The following A2M variants were observed in gnomAD, a reference collection of about 807,000 sequenced individuals.
The protein encoded by A2M is C3 and PZP-like alpha-2-macroglobulin domain-containing protein 5.
A neutral mutation model predicts 183.9 loss-of-function variants in A2M; 128 were observed. The observed-to-expected ratio is 0.70, with a 90% confidence interval of 0.60 to 0.81. The LOEUF (loss-of-function observed/expected upper bound fraction) is 0.81, where lower values mean the gene tolerates loss of function less well. A2M is among the 30% of genes least tolerant of loss of function. A2M has a pLI of 0.00. For synonymous variants in A2M, 592 were observed against 670.8 expected, an observed-to-expected ratio of 0.88 and a Z score of 1.81; for missense variants, 1,495 against 1,787.6, an observed-to-expected ratio of 0.84 and a Z score of 2.95.
intron 11 of A2M, 60 bp from the exon 12 acceptor site, chr12:9,101,734 C>A (rs749663907): frequency 2.5e-5 from 34 of 1,338,018 alleles, no homozygotes; most frequent in Non-Finnish European, 3.4e-5. Context: ...TTAATGTTCT[C>A]ACAAAACTAC....
intron 11 of A2M, among the ~76,000 whole-genome samples, chr12:9,103,408 GTTA>G (rs1938036745): frequency 6.6e-6 from 1 of 152,050 alleles, no homozygotes; most frequent in Admixed American, 6.6e-5. Context: ...TTTCAAAAAA[GTTA>G]TTATAAACAC....
rs201753202 is a variant in A2M, at chr12:9,072,283, TTTAC to T, written c.4103+72_4103+75del. 2,667 of 1,533,948 alleles carry T rather than the reference TTTAC, an allele frequency of 1.7e-3. 67 individuals carry two copies. In the Admixed American group the frequency reaches 0.044, roughly 25 times the overall value. On this transcript the variant is annotated intron_variant, in intron 31 of 35. Transcript: ENST00000318602. ...GTGCAAATATCTACTGTTGCACTGC[TTTAC>T]TTAAAGAGGAGTTCCCGAAAGAAGA...
At chr12:9,099,251 T>C in intron 14 of A2M, 130 bp downstream of exon 14, 1 of 833,220 alleles carries the variant, frequency 1.2e-6, no homozygotes, top group East Asian at 2.7e-5. Context: ...ACTCTGCCAC[T>C]ACCTTGCTGA....
intron 15 of A2M, among the ~76,000 whole-genome samples, chr12:9,096,741 A>G (rs1423181393): frequency 6.6e-6 from 1 of 152,242 alleles, no homozygotes; most frequent in African/African-American, 2.4e-5. Context: ...TTCTCAAAGT[A>G]TCTTAACATT....
chr12:9,081,860 G>A (rs1565584053), intron 22 of A2M, among the ~76,000 whole-genome samples: 1 of 152,246 alleles, frequency 6.6e-6, no homozygotes, highest in Non-Finnish European at 1.5e-5. Context: ...TGACCAGCAT[G>A]TGGATTTTGG....
intron 10 of A2M, among the ~76,000 whole-genome samples, chr12:9,105,968 G>A (rs750472902): frequency 1.2e-4 from 18 of 152,250 alleles, no homozygotes; most frequent in Non-Finnish European, 2.6e-4. Flanking sequence ...GTACAATGCT[G>A]TTTCAAAAGA....
rs762350257 is a variant in A2M at position 9,101,532 on chromosome 12, C to T, written c.1409G>A (p.Cys470Tyr). The T allele has an allele frequency of 1.2e-6, 2 of 1,613,970 alleles. No homozygotes were observed. Among genetic ancestry groups the T allele is most frequent in the South Asian group, 2.2e-5 (2 of 91,078 alleles). The change falls in exon 12 of 36, where the codon TGT becomes TAT. Residue 470 changes from cysteine to tyrosine, a missense_variant. Transcript: ENST00000318602. ...HLEPMSHELP[C>Y]GHTQTVQAHY... ...TGCCTGGACTGTCTGAGTATGGCCA[C>T]AGGGTAGTTCATGAGACATGGGCTC...
Position 9,112,434 on chromosome 12 carries a change from C to T in A2M, c.373G>A (p.Glu125Lys). ...GTCTGGACAAAGACCAGACTGTCCT[C>T]GTTCTTAACCATCACTGTGGTCCGC... ...KKRTTVMVKN[E>K]DSLVFVQTDK... The change falls in exon 3 of 36, where the codon GAG becomes AAG. Residue 125 changes from glutamate to lysine, a missense_variant. Glu to Lys is a moderately conservative substitution (Grantham distance 56). Coordinates refer to ENST00000318602, the MANE Select transcript of A2M (RefSeq NM_000014.6). 5 of 1,613,938 alleles carry T rather than the reference C, an allele frequency of 3.1e-6. No homozygotes were observed. The highest frequency in any genetic ancestry group is 1.7e-5 in the Admixed American group (1 of 60,004).
chr12:9,101,533 A>C lies in A2M; in HGVS notation c.1408T>G (p.Cys470Gly). 1 of 1,614,014 alleles carries C rather than the reference A, an allele frequency of 6.2e-7. No individual in the cohort carries two copies. The highest frequency in any genetic ancestry group is 2.2e-5 in the East Asian group (1 of 44,884). The change falls in exon 12 of 36, where the codon TGT becomes GGT. Residue 470 changes from cysteine (C) to glycine (G), a missense_variant. By Grantham distance (159) the Cys-to-Gly change is radical (BLOSUM62 -3). Coordinates refer to ENST00000318602, the MANE Select transcript of A2M (RefSeq NM_000014.6). ...HLEPMSHELPCGHTQTVQAHY... is the reference protein window; with the variant it reads ...HLEPMSHELPGGHTQTVQAHY... Reference sequence around the variant, plus strand: ...GCCTGGACTGTCTGAGTATGGCCACAGGGTAGTTCATGAGACATGGGCTCA... The same window carrying C: ...GCCTGGACTGTCTGAGTATGGCCACCGGGTAGTTCATGAGACATGGGCTCA...
Position 9,106,601 on chromosome 12 carries a change from T to G in A2M, c.884A>C (p.Asn295Thr). ...AFCEKFSGQL[N>T]SHGCFYQQVK... ...TTGCTGATAGAAGCAGCCATGGCTG[T>G]TTAGCTAAGAAGGGAGAAAATAAAA... The change falls in exon 9 of 36, where the codon AAC becomes ACC. Residue 295 changes from asparagine (N) to threonine (T), a missense_variant. Asn to Thr is a moderately conservative substitution (Grantham distance 65, BLOSUM62 0). Transcript: ENST00000318602. 1 of 1,535,328 alleles carries G rather than the reference T, an allele frequency of 6.5e-7. No individual in the cohort carries two copies.
At chr12:9,086,348 CA>C (rs1949051939) in intron 22 of A2M, among the ~76,000 whole-genome samples, 1 of 152,128 alleles carries the variant, frequency 6.6e-6, no homozygotes, top group African/African-American at 2.4e-5. Context: ...GGGAACACAG[CA>C]AAAGCTCATC....
rs764375031 is a variant in A2M at position 9,106,348 on chromosome 12, G to A, written c.995-3C>T. ...CTGCCTTCCAGTCAATTCCACCACT[G>A]AAAAAAGAGAAAAAAATCTGTTATT... is the stretch of plus-strand genomic sequence containing the variant. On this transcript the variant is annotated splice_region_variant and splice_polypyrimidine_tract_variant and intron_variant, in intron 9 of 35. Coordinates refer to ENST00000318602, the MANE Select transcript of A2M (RefSeq NM_000014.6). 1.9e-6 allele frequency: 3 copies of A among 1,576,778 alleles called. No homozygotes were observed. The highest frequency in any genetic ancestry group is 2.6e-6 in the Non-Finnish European group (3 of 1,153,954).
intron 7 of A2M, among the ~76,000 whole-genome samples, chr12:9,108,435 T>G (rs1938477381): frequency 6.6e-6 from 1 of 152,220 alleles, no homozygotes; most frequent in Non-Finnish European, 1.5e-5. Flanking sequence ...CTGTTTACTT[T>G]TTTACAAAAG....
At chr12:9,090,127 T>C (rs756751856) in intron 20 of A2M, 104 bp from the exon 21 acceptor site, 14 of 1,495,396 alleles carry the variant, frequency 9.4e-6, no homozygotes, top group Non-Finnish European at 1.3e-5. Context: ...TTTGTTTTAT[T>C]AAAACACAGA....
chr12:9,091,360 G>T lies in A2M; in HGVS notation c.2310C>A (p.Phe770Leu). The T allele has an allele frequency of 6.2e-7, 1 of 1,614,202 alleles. No individual in the cohort carries two copies. The highest frequency in any genetic ancestry group is 1.7e-5 in the Admixed American group (1 of 60,022). ...CAAGTCCAGCATCTTCAGACAGGCAGAAGGCCCCTGCCTTCCACTCGGTGA... is the reference window on the plus strand; with the variant it reads ...CAAGTCCAGCATCTTCAGACAGGCATAAGGCCCCTGCCTTCCACTCGGTGA... Reference protein sequence around the residue: ...DTITEWKAGAFCLSEDAGLGI... With the variant: ...DTITEWKAGALCLSEDAGLGI... Residue 770 changes from phenylalanine (F) to leucine (L), a missense_variant, in exon 19 of 36, where the codon TTC (phenylalanine) becomes TTA (leucine). Coordinates refer to ENST00000318602, the MANE Select transcript of A2M (RefSeq NM_000014.6).
chr12:9,069,824 T>C lies in A2M; in HGVS notation c.4195-11A>G, dbSNP rs776763471. 104 of 1,612,672 alleles carry C rather than the reference T, an allele frequency of 6.4e-5. No homozygotes were observed. Among genetic ancestry groups the C allele is most frequent in the Non-Finnish European group, 8.5e-5 (100 of 1,178,996 alleles). The stretch of plus-strand genomic sequence containing the variant: ...GTTAGATCTTTCAAGCTGAAGAAAA[T>C]TGAAATACCACAAATGTTAATAAAT... On this transcript the variant is annotated splice_polypyrimidine_tract_variant and intron_variant, in intron 32 of 35. Transcript: ENST00000318602.
At position 9,098,644 on chromosome 12, in the gene A2M, A is replaced by C; in HGVS notation, c.1814T>G (p.Leu605Arg). Residue 605 changes from leucine (L) to arginine (R), a missense_variant, in exon 15 of 36, where the codon CTG becomes CGG. Transcript: ENST00000318602. ...CALRAVDQSV[L>R]LMKPDAELSA... ...GAGCTCAGCATCAGGCTTCATGAGCAGCACGCTTTGGTCCACAGCACGGAG... is the reference window on the plus strand; with the variant it reads ...GAGCTCAGCATCAGGCTTCATGAGCCGCACGCTTTGGTCCACAGCACGGAG... 6.2e-7 allele frequency: 1 copy of C among 1,609,228 alleles called. No individual in the cohort carries two copies. Among genetic ancestry groups the C allele is most frequent in the Non-Finnish European group, 8.5e-7 (1 of 1,178,046 alleles).
chr12:9,110,373 C>G (rs1565604298), intron 4 of A2M, 39 bp from the exon 5 acceptor site: 1 of 1,267,692 alleles, frequency 7.9e-7, no homozygotes, highest in Non-Finnish European at 1.1e-6. Context: ...TAATTATTTT[C>G]AAATATTCTT....
At chr12:9,079,360 A>G (rs759576210) in intron 24 of A2M, 29 bp from the exon 25 acceptor site, 1 of 1,584,154 alleles carries the variant, frequency 6.3e-7, no homozygotes, top group Non-Finnish European at 8.7e-7. Flanking sequence ...GAAACAGCAC[A>G]ATGGATTAAT....
Sources: allele counts gnomAD v4.1 joint callset (sites outside exome capture counted in the v4.1 genomes callset), GRCh38; gene constraint gnomAD v4.1.1; transcripts MANE v1.5; gene names NCBI Gene and HGNC (gene_info 2026-07-23, HGNC 2026-07-21).